Variants in AQP11 observed in about 807,000 individuals in gnomAD.
The protein encoded by AQP11 is aquaporin-11.
In AQP11, 20 loss-of-function variants were observed where a neutral mutation model predicts 21.1. The ratio of observed to expected loss-of-function variants is 0.95; its 90% CI spans 0.67 to 1.38. The LOEUF is 1.38. Ranked by LOEUF, AQP11 falls within the 40% of genes most tolerant of loss-of-function variation. AQP11 has a pLI of 0.00. For missense variants in AQP11, 339 were observed against 340.4 expected (o/e 1.00, Z 0.03); for synonymous variants, 167 against 150.1 (o/e 1.11, Z -0.82).
intron 1 of AQP11, among the ~76,000 whole-genome samples, chr11:77,602,247 T>C (rs1020546833): frequency 2.6e-5 from 4 of 152,216 alleles, no homozygotes; most frequent in Non-Finnish European, 5.9e-5. Context: ...GTGAGGGTAA[T>C]GATTCAGTCC....
At position 77,609,346 on chromosome 11, in the gene AQP11, A is replaced by C. The variant is rs761704365; in HGVS notation, c.785A>C (p.His262Pro). Residue 262 changes from histidine to proline, a missense_variant, in exon 3 of 3, where the codon CAT becomes CCT. Transcript: ENST00000313578. Reference sequence around the variant, plus strand: ...TTCAGCTTTTTCCTTCCATGGCTGCATAACAACCATACAATTAATAAAAAG... The same window carrying C: ...TTCAGCTTTTTCCTTCCATGGCTGCCTAACAACCATACAATTAATAAAAAG... The part of the protein sequence containing the change: ...LMFSFFLPWL[H>P]NNHTINKKE The C allele has an allele frequency of 6.2e-7, 1 of 1,613,186 alleles. No homozygotes were observed. Among genetic ancestry groups the C allele is most frequent in the Non-Finnish European group, 8.5e-7 (1 of 1,179,648 alleles).
chr11:77,607,224 G>T (rs1315343438), intron 2 of AQP11, among the ~76,000 whole-genome samples: 1 of 151,868 alleles, frequency 6.6e-6, no homozygotes, highest in East Asian at 1.9e-4. Flanking sequence ...GGCTCCAAAT[G>T]AAATAAAGAC....
intron 1 of AQP11, among the ~76,000 whole-genome samples, chr11:77,596,875 AG>A (rs1022169612): frequency 6.6e-6 from 1 of 150,846 alleles, no homozygotes; most frequent in African/African-American, 2.4e-5. Context: ...AAAAAAAAAA[AG>A]ACTGTGCCCT....
intron 1 of AQP11, among the ~76,000 whole-genome samples, chr11:77,599,469 A>C (rs1009168769): frequency 2.2e-5 from 2 of 92,372 alleles, no homozygotes; most frequent in Middle Eastern, 0.011. Context: ...TTGTATTTTT[A>C]GTAGGGGTTT....
intron 1 of AQP11, among the ~76,000 whole-genome samples, chr11:77,595,754 T>G (rs953999253): frequency 6.6e-6 from 1 of 151,060 alleles, no homozygotes; most frequent in African/African-American, 2.4e-5. Flanking sequence ...AAACCCTGTC[T>G]CTACTAAAAA....
At chr11:77,595,801 A>G (rs1288031883) in intron 1 of AQP11, among the ~76,000 whole-genome samples, 18 of 152,056 alleles carry the variant, frequency 1.2e-4, no homozygotes, top group African/African-American at 4.3e-4. Flanking sequence ...GGCACCTGTA[A>G]TCCCAGCTAC....
intron 1 of AQP11, 144 bp from the exon 2 acceptor site, chr11:77,603,412 A>G (rs1489653950): frequency 1.7e-6 from 1 of 598,666 alleles, no homozygotes; most frequent in Non-Finnish European, 2.9e-6. Context: ...ATTATAGTCT[A>G]AAATATGCCA....
rs544162455 is a variant in AQP11, at chr11:77,599,648, G to A, written c.620-3908G>A. ...TTCACTCTGTCACCCAGGCTGGAGC[G>A]CAGTGGTGCAATCAAAACCTCCGCC... On this transcript the variant is annotated intron_variant, in intron 1 of 2. Transcript: ENST00000313578. Among the ~76,000 whole-genome samples the A allele has an allele frequency of 4.6e-5, 7 of 151,134 alleles. No individual in the cohort carries two copies. In the South Asian group the frequency reaches 1.0e-3, roughly 23 times the overall value.
At chr11:77,596,784 C>G (rs1958786013) in intron 1 of AQP11, among the ~76,000 whole-genome samples, 1 of 151,096 alleles carries the variant, frequency 6.6e-6, no homozygotes, top group Admixed American at 6.6e-5. Context: ...TGCTTGAGCC[C>G]TGAAGTTTGA....
At chr11:77,604,149 T>C (rs1958831223) in intron 2 of AQP11, among the ~76,000 whole-genome samples, 1 of 152,200 alleles carries the variant, frequency 6.6e-6, no homozygotes, top group South Asian at 2.1e-4. Context: ...TCTCTCTTTG[T>C]CACCCAGGCT....
chr11:77,594,238 A>T (rs769701080), intron 1 of AQP11, among the ~76,000 whole-genome samples: 1 of 152,244 alleles, frequency 6.6e-6, no homozygotes, highest in Non-Finnish European at 1.5e-5. Context: ...ACCATAATTT[A>T]TACAATTTTT....
At chr11:77,601,688 G>A (rs1407423814) in intron 1 of AQP11, among the ~76,000 whole-genome samples, 1 of 152,190 alleles carries the variant, frequency 6.6e-6, no homozygotes, top group East Asian at 1.9e-4. Context: ...GATTCTGTGG[G>A]TTATAGATGG....
intron 2 of AQP11, among the ~76,000 whole-genome samples, chr11:77,608,727 AT>A (rs1958860492): frequency 1.3e-5 from 2 of 152,230 alleles, no homozygotes; most frequent in African/African-American, 4.8e-5. Context: ...AAACCAGTTA[AT>A]GGTCAGTTAA....
chr11:77,606,051 A>G (rs1958844190), intron 2 of AQP11, among the ~76,000 whole-genome samples: 1 of 143,244 alleles, frequency 7.0e-6, no homozygotes, highest in East Asian at 1.9e-4. Context: ...AAAAAAAAAA[A>G]AAAAAAAAAA....
chr11:77,598,718 T>G (rs1958797688), intron 1 of AQP11, among the ~76,000 whole-genome samples: 1 of 152,124 alleles, frequency 6.6e-6, no homozygotes, highest in Non-Finnish European at 1.5e-5. Context: ...TGTTGTTGTT[T>G]TTTGGGTTTT....
chr11:77,607,721 C>G (rs4945187), intron 2 of AQP11, among the ~76,000 whole-genome samples: 23,604 of 150,004 alleles, frequency 0.16, 2,182 homozygotes, highest in African/African-American at 0.23. Context: ...CGAGATCGTA[C>G]CACTGCACTC....
rs954871786 is a variant in AQP11, at chr11:77,590,352, G to A, written c.360G>A (p.Arg120=). The A allele has an allele frequency of 6.8e-6, 11 of 1,612,748 alleles. No homozygotes were observed. Among genetic ancestry groups the A allele is most frequent in the Non-Finnish European group, 9.3e-6 (11 of 1,179,140 alleles). The change falls in exon 1 of 3, where the codon AGG becomes AGA. Residue 120 remains arginine, a synonymous_variant. Coordinates refer to ENST00000313578, the MANE Select transcript of AQP11 (RefSeq NM_173039.3). ...GGMSPETGAV[R]LLAQLVSALC... ...TGTCCCCCGAGACGGGTGCGGTGAG[G>A]CTATTGGCTCAGCTGGTTAGTGCCC... is the stretch of plus-strand genomic sequence containing the variant.
chr11:77,604,271 A>C (rs1171533303), intron 2 of AQP11, among the ~76,000 whole-genome samples: 1 of 152,046 alleles, frequency 6.6e-6, no homozygotes, highest in Non-Finnish European at 1.5e-5. Context: ...ATGTGCCACC[A>C]CACCCGGCTA....
At chr11:77,593,605 C>T (rs535268215) in intron 1 of AQP11, among the ~76,000 whole-genome samples, 21 of 152,176 alleles carry the variant, frequency 1.4e-4, no homozygotes, top group African/African-American at 4.8e-4. Context: ...TCATTGCACT[C>T]CAGCCTGGGA....
Sources: allele counts gnomAD v4.1 joint callset (sites outside exome capture counted in the v4.1 genomes callset), GRCh38; gene constraint gnomAD v4.1.1; transcripts MANE v1.5; gene names NCBI Gene and HGNC (gene_info 2026-07-23, HGNC 2026-07-21).